The following ZBBX variants were observed in gnomAD, a reference collection of about 807,000 sequenced individuals.
ZBBX encodes the protein zinc finger B-box domain-containing protein 1.
ZBBX carries 101 observed loss-of-function variants against 108.5 expected under a neutral mutation model. That is an observed-to-expected ratio of 0.93 (90% CI 0.79 to 1.10). The LOEUF (loss-of-function observed/expected upper bound fraction) is 1.10, where lower values mean the gene tolerates loss of function less well. Ranked by LOEUF, ZBBX falls within the 50% of genes least tolerant of loss-of-function variation. The pLI, the probability that ZBBX is intolerant of heterozygous loss-of-function variation, is 0.00. For missense variants in ZBBX, 1,009 were observed against 941.4 expected, an observed-to-expected ratio of 1.07 and a Z score of -0.94; for synonymous variants, 356 against 323.4, an observed-to-expected ratio of 1.10 and a Z score of -1.08.
At position 167,376,557 on chromosome 3, in the gene ZBBX, T is replaced by C. The variant is rs368061909; in HGVS notation, c.-131-2770A>G. On this transcript the variant is annotated intron_variant, in intron 2 of 21. Coordinates refer to ENST00000675490, the MANE Select transcript of ZBBX (RefSeq NM_001199201.2). ...CACATTGAGATATACAATATAATTT[T>C]ATGTGTATGTACATATATAAAGCTA... Among the ~76,000 whole-genome samples the C allele has an allele frequency of 2.0e-5, 3 of 152,352 alleles. No homozygotes were observed. The East Asian group carries it at 5.8e-4, about 29-fold the overall frequency.
intron 8 of ZBBX, among the ~76,000 whole-genome samples, chr3:167,352,877 A>G (rs1411849197): frequency 1.3e-5 from 2 of 152,128 alleles, no homozygotes; most frequent in Non-Finnish European, 2.9e-5. Context: ...ACAAAACTAT[A>G]TCATATCTCA....
chr3:167,303,572 C>T (rs375245599), intron 17 of ZBBX, among the ~76,000 whole-genome samples: 9 of 152,178 alleles, frequency 5.9e-5, no homozygotes, highest in African/African-American at 9.6e-5. Context: ...ATTCAAGAGG[C>T]GAAATAACTA....
chr3:167,213,741 C>T, the ZBBX span, among the ~76,000 whole-genome samples: 2 of 152,084 alleles, frequency 1.3e-5, no homozygotes, highest in Non-Finnish European at 2.9e-5. Context: ...ATGAGATTTT[C>T]CAAGGTCGAA....
intron 20 of ZBBX, among the ~76,000 whole-genome samples, chr3:167,274,258 A>G (rs930815649): frequency 6.6e-6 from 1 of 152,214 alleles, no homozygotes; most frequent in African/African-American, 2.4e-5. Context: ...GTAAATGGAA[A>G]GGAGTCATGG....
At chr3:167,236,032 A>G (rs1720219789), downstream of ZBBX, among the ~76,000 whole-genome samples, 1 of 151,786 alleles carries the variant, frequency 6.6e-6, no homozygotes, top group Non-Finnish European at 1.5e-5. Flanking sequence ...AACGTATTTT[A>G]GGAGGCATAA....
At chr3:167,330,107 T>A (rs918453583) in intron 10 of ZBBX, among the ~76,000 whole-genome samples, 2 of 152,182 alleles carry the variant, frequency 1.3e-5, no homozygotes, top group Admixed American at 1.3e-4. Context: ...TTTTTAAAAG[T>A]CTTTTCACAT....
At chr3:167,381,328 T>A (rs894343595), upstream of ZBBX, 8 of 152,184 alleles carry the variant, frequency 5.3e-5, no homozygotes, top group African/African-American at 1.7e-4. Flanking sequence ...ACTTACCTGC[T>A]GTGTGACCAT....
intron 8 of ZBBX, among the ~76,000 whole-genome samples, chr3:167,351,121 G>C (rs916694479): frequency 2.6e-5 from 4 of 151,592 alleles, no homozygotes; most frequent in Admixed American, 6.6e-5. Flanking sequence ...ATACTAGATG[G>C]AACTACATTA....
At chr3:167,222,635 T>C in the ZBBX span, among the ~76,000 whole-genome samples, 1 of 152,000 alleles carries the variant, frequency 6.6e-6, no homozygotes, top group Non-Finnish European at 1.5e-5. Flanking sequence ...TTTACCCTGA[T>C]GTATTATTCA....
At chr3:167,183,547 A>G in the ZBBX span, among the ~76,000 whole-genome samples, 1 of 152,212 alleles carries the variant, frequency 6.6e-6, no homozygotes, top group Non-Finnish European at 1.5e-5. Flanking sequence ...GCTGAGAGCC[A>G]CAAACAGAGT....
chr3:167,284,953 C>T (rs1438778510), intron 19 of ZBBX, among the ~76,000 whole-genome samples: 1 of 151,820 alleles, frequency 6.6e-6, no homozygotes, highest in Non-Finnish European at 1.5e-5. Flanking sequence ...TTGAGGGGAT[C>T]ATTCCATATT....
intron 16 of ZBBX, among the ~76,000 whole-genome samples, chr3:167,312,247 TA>T (rs754370622): frequency 3.3e-5 from 5 of 151,960 alleles, no homozygotes; most frequent in African/African-American, 1.2e-4. Context: ...ATGAGGACAG[TA>T]AAAAAAATCA....
intron 6 of ZBBX, among the ~76,000 whole-genome samples, chr3:167,362,885 T>C (rs1314403133): frequency 6.6e-6 from 1 of 151,976 alleles, no homozygotes; most frequent in Non-Finnish European, 1.5e-5. Context: ...CTCTTCCACC[T>C]GAACTTCAGC....
intron 9 of ZBBX, among the ~76,000 whole-genome samples, chr3:167,337,681 G>T (rs1198252550): frequency 6.6e-6 from 1 of 152,008 alleles, no homozygotes; most frequent in African/African-American, 2.4e-5. Context: ...TCTTAAATGG[G>T]CATATCGTAT....
At chr3:167,294,184 G>A (rs1731221772) in intron 18 of ZBBX, among the ~76,000 whole-genome samples, 1 of 151,964 alleles carries the variant, frequency 6.6e-6, no homozygotes, top group Admixed American at 6.6e-5. Flanking sequence ...CACAGGATTG[G>A]AAAAAATTTA....
At chr3:167,258,491 C>G (rs1353963778) in intron 20 of ZBBX, among the ~76,000 whole-genome samples, 2 of 151,970 alleles carry the variant, frequency 1.3e-5, no homozygotes, top group Non-Finnish European at 2.9e-5. Context: ...ATTTGGATGC[C>G]CTTTGTTTCT....
intron 1 of ZBBX, among the ~76,000 whole-genome samples, chr3:167,398,144 A>C (rs1748309497): frequency 6.6e-6 from 1 of 152,084 alleles, no homozygotes; most frequent in Non-Finnish European, 1.5e-5. Context: ...AAGATTACAG[A>C]TAATGAATCT....
In ZBBX at chr3:167,305,693, G is replaced by A. The variant is rs1432549699; in HGVS notation, c.1675C>T (p.Leu559=). 1 of 1,608,544 alleles carries A rather than the reference G, an allele frequency of 6.2e-7. No homozygotes were observed. The highest frequency in any genetic ancestry group is 1.7e-5 in the Admixed American group (1 of 59,402). The change falls in exon 17 of 22, where the codon CTG becomes TTG. Residue 559 remains leucine, a synonymous_variant. Transcript: ENST00000675490. ...TCTTCAAAGCTTGGCCTCTTATACA[G>A]ATTGCTCAATTCCAAGGATTCTTTG... ...DIKESLELSN[L]YKRPSFEESK... is the part of the protein sequence containing the mutation.
chr3:167,186,240 G>T, the ZBBX span, among the ~76,000 whole-genome samples: 1 of 151,822 alleles, frequency 6.6e-6, no homozygotes, highest in African/African-American at 2.4e-5. Context: ...TTCAAAAGGG[G>T]GCTTCCAATT....
Sources: gnomAD v4.1 joint callset for allele counts (sites outside exome capture counted in the v4.1 genomes callset) on GRCh38, gnomAD v4.1.1 for gene constraint, MANE v1.5 for transcripts, NCBI Gene and HGNC (gene_info 2026-07-23, HGNC 2026-07-21) for gene names.